Variants in ANKS1B observed in about 807,000 individuals in gnomAD.
The protein encoded by ANKS1B is ankyrin repeat and sterile alpha motif domain-containing protein 1B.
ANKS1B carries 36 observed loss-of-function variants against 148.3 expected under a neutral mutation model. That is an observed-to-expected ratio of 0.24 (90% CI 0.19 to 0.32). ANKS1B has a LOEUF of 0.32. Among genes scored for constraint, ANKS1B ranks in the 10% least tolerant of loss-of-function variants. ANKS1B has a pLI of 1.00. For missense variants in ANKS1B, 1,157 were observed against 1,542.6 expected (o/e 0.75, Z 4.19); for synonymous variants, 542 against 560.8 (o/e 0.97, Z 0.47).
intron 8 of ANKS1B, among the ~76,000 whole-genome samples, chr12:99,657,519 A>G (rs961788054): frequency 2.0e-5 from 3 of 152,092 alleles, no homozygotes; most frequent in African/African-American, 7.2e-5. Context: ...ATAGCAGCCC[A>G]TGCTTTCATA....
chr12:99,294,671 G>C (rs79865552), intron 12 of ANKS1B, among the ~76,000 whole-genome samples: 6 of 148,862 alleles, frequency 4.0e-5, no homozygotes, highest in Non-Finnish European at 8.9e-5. Flanking sequence ...TTTTTTTTTT[G>C]AGACAAAGTT....
intron 17 of ANKS1B, among the ~76,000 whole-genome samples, chr12:98,905,390 C>T (rs568064582): frequency 1.3e-5 from 2 of 152,110 alleles, no homozygotes; most frequent in Non-Finnish European, 2.9e-5. Context: ...CATTGGCTCA[C>T]AAGAGAAAGA....
intron 11 of ANKS1B, among the ~76,000 whole-genome samples, chr12:99,409,925 T>C (rs764727467): frequency 2.0e-5 from 3 of 152,240 alleles, no homozygotes; most frequent in Non-Finnish European, 2.9e-5. Context: ...GAATTGCACT[T>C]GTGTTCGTTG....
chr12:98,951,356 C>T (rs2099853817), intron 17 of ANKS1B, among the ~76,000 whole-genome samples: 1 of 152,168 alleles, frequency 6.6e-6, no homozygotes, highest in South Asian at 2.1e-4. Context: ...TGACAGTTTT[C>T]ATAGAACACT....
intron 1 of ANKS1B, among the ~76,000 whole-genome samples, chr12:99,981,991 T>C (rs187396819): frequency 6.6e-6 from 1 of 152,270 alleles, no homozygotes; most frequent in Non-Finnish European, 1.5e-5. Flanking sequence ...TGTGCCTTCT[T>C]AGGAATGTCA....
intron 10 of ANKS1B, among the ~76,000 whole-genome samples, chr12:99,471,347 T>G (rs192461017): frequency 6.6e-6 from 1 of 152,176 alleles, no homozygotes; most frequent in East Asian, 1.9e-4. Flanking sequence ...CAAAAGTACC[T>G]AGTTATTATA....
intron 17 of ANKS1B, among the ~76,000 whole-genome samples, chr12:98,934,432 C>T (rs1429311040): frequency 6.6e-6 from 1 of 152,024 alleles, no homozygotes; most frequent in East Asian, 1.9e-4. Context: ...CGTGTGAGGC[C>T]TCCAGCTTTT....
At chr12:99,122,859 C>T (rs908312285) in intron 15 of ANKS1B, among the ~76,000 whole-genome samples, 1 of 151,918 alleles carries the variant, frequency 6.6e-6, no homozygotes, top group Non-Finnish European at 1.5e-5. Flanking sequence ...TATGCATTAG[C>T]AAGAAAATTC....
At chr12:99,092,795 G>A (rs900581363) in intron 15 of ANKS1B, among the ~76,000 whole-genome samples, 1 of 152,134 alleles carries the variant, frequency 6.6e-6, no homozygotes, top group Non-Finnish European at 1.5e-5. Context: ...GCAGAAAGAA[G>A]TACCTAAAAA....
At chr12:99,068,674 A>G (rs77775630) in intron 16 of ANKS1B, among the ~76,000 whole-genome samples, 2,774 of 147,908 alleles carry the variant, frequency 0.019, 88 homozygotes, top group African/African-American at 0.06. Flanking sequence ...TTTGTCAGAG[A>G]GAGGGATGCA....
At chr12:98,788,683 T>C (rs2098819945) in intron 22 of ANKS1B, among the ~76,000 whole-genome samples, 1 of 152,214 alleles carries the variant, frequency 6.6e-6, no homozygotes, top group South Asian at 2.1e-4. Flanking sequence ...GCCCTCCGTT[T>C]CTATATGCTG....
intron 1 of ANKS1B, among the ~76,000 whole-genome samples, chr12:99,971,930 AGG>A: frequency 6.6e-6 from 1 of 152,248 alleles, no homozygotes; most frequent in East Asian, 1.9e-4. Flanking sequence ...GAAGATTTAT[AGG>A]AACCATGTGT....
At chr12:99,442,122 A>T (rs1458232391) in intron 11 of ANKS1B, among the ~76,000 whole-genome samples, 1 of 151,936 alleles carries the variant, frequency 6.6e-6, no homozygotes, top group Non-Finnish European at 1.5e-5. Context: ...AACGAAAATG[A>T]CAGATAGCAA....
chr12:99,182,355 T>C (rs963150823), intron 14 of ANKS1B, among the ~76,000 whole-genome samples: 8 of 152,196 alleles, frequency 5.3e-5, no homozygotes, highest in Non-Finnish European at 1.5e-5. Context: ...TCTTACTCTC[T>C]ATCTCCATGA....
Position 98,852,324 on chromosome 12 carries a change from G to A in ANKS1B, c.2779-20188C>T, listed in dbSNP as rs544590589. ...GAGCAGATCTGAGAAATCTCTAGGC[G>A]GCAGAAACAGCAGGGTTGGTGAGTA... On this transcript the variant is annotated intron_variant, in intron 17 of 26. Coordinates refer to ENST00000683438, the MANE Select transcript of ANKS1B (RefSeq NM_001352186.2). 2.7e-4 allele frequency among the ~76,000 whole-genome samples: 41 copies of A among 152,240 alleles called. No individual in the cohort carries two copies. The East Asian group carries it at 3.3e-3, about 12-fold the overall frequency.
chr12:99,564,429 T>C (rs2153209901), intron 9 of ANKS1B, among the ~76,000 whole-genome samples: 1 of 152,010 alleles, frequency 6.6e-6, no homozygotes, highest in Non-Finnish European at 1.5e-5. Context: ...ATTATCCCAT[T>C]TTTTATAAAA....
At chr12:98,773,304 C>T in intron 24 of ANKS1B, 125 bp from the exon 25 acceptor site, 1 of 1,044,750 alleles carries the variant, frequency 9.6e-7, no homozygotes, top group Middle Eastern at 2.7e-4. Context: ...TAGCAACACT[C>T]AAAGTGGTCC....
chr12:99,823,432 A>G (rs967903171), intron 2 of ANKS1B, among the ~76,000 whole-genome samples: 1 of 152,074 alleles, frequency 6.6e-6, no homozygotes, highest in African/African-American at 2.4e-5. Flanking sequence ...CAGCCTCCTG[A>G]GTAGCTGGGA....
intron 12 of ANKS1B, among the ~76,000 whole-genome samples, chr12:99,253,204 C>T (rs2074844095): frequency 6.7e-6 from 1 of 149,826 alleles, no homozygotes; most frequent in Non-Finnish European, 1.5e-5. Flanking sequence ...TTAGTCTGGG[C>T]AACAGAGTGA....
Sources: gnomAD v4.1 joint callset for allele counts (sites outside exome capture counted in the v4.1 genomes callset) on GRCh38, gnomAD v4.1.1 for gene constraint, MANE v1.5 for transcripts, NCBI Gene and HGNC (gene_info 2026-07-23, HGNC 2026-07-21) for gene names.